FGF23: variants seen among roughly 807,000 people sequenced by gnomAD.
FGF23 encodes the protein fibroblast growth factor 23.
In FGF23, 8 loss-of-function variants were observed where a neutral mutation model predicts 9.0. That is an observed-to-expected ratio of 0.89 (90% CI 0.52 to 1.60). FGF23 has a LOEUF of 1.60. Among genes scored for constraint, FGF23 ranks in the 40% most tolerant of loss-of-function variants. The probability of loss-of-function intolerance (pLI) is 0.00; values close to 1 mark genes in which losing one functional copy is unlikely to be tolerated. For synonymous variants in FGF23, 118 were observed against 146.2 expected (o/e 0.81, Z 1.39); for missense variants, 311 against 344.3 (o/e 0.90, Z 0.77).
chr12:4,373,708 G>T (rs986684771), intron 1 of FGF23, among the ~76,000 whole-genome samples: 1 of 152,156 alleles, frequency 6.6e-6, no homozygotes, highest in Non-Finnish European at 1.5e-5. Flanking sequence ...ATCATATACT[G>T]GTGTAACATG....
chr12:4,374,815 AG>A (rs1865100847), intron 1 of FGF23, among the ~76,000 whole-genome samples: 1 of 152,140 alleles, frequency 6.6e-6, no homozygotes. Context: ...TATTATTATT[AG>A]TAGTAGTAGT....
At chr12:4,374,206 G>T (rs1260837864) in intron 1 of FGF23, among the ~76,000 whole-genome samples, 2 of 152,164 alleles carry the variant, frequency 1.3e-5, no homozygotes, top group East Asian at 3.8e-4. Context: ...TTTGGCTGAG[G>T]GGAACCTTGA....
rs1186216322 is a variant in FGF23 at position 4,370,908 on chromosome 12, C to A, written c.316-125G>T. The A allele has an allele frequency of 1.4e-5, 11 of 805,952 alleles. No individual in the cohort carries two copies. In the South Asian group the frequency reaches 1.5e-4, roughly 11 times the overall value. The allele number at this position is 805,952 out of a possible 1,614,324, so 49.9% of individuals were successfully genotyped here. A position where few individuals can be genotyped will look rare whatever the true frequency, so the allele number is the denominator to read the frequency against. ...GCTCTGCAGTTCTTAGGGCGTTGAG[C>A]CTTCACCCCTTTGTTCCCTGCTGGG... On this transcript the variant is annotated intron_variant, in intron 2 of 2. Transcript: ENST00000237837.
intron 1 of FGF23, among the ~76,000 whole-genome samples, chr12:4,376,495 C>T (rs1865117379): frequency 6.6e-6 from 1 of 152,062 alleles, no homozygotes; most frequent in Non-Finnish European, 1.5e-5. Flanking sequence ...TTCTTATCTA[C>T]ATGCATTAAT....
chr12:4,374,852 T>G (rs1865101144), intron 1 of FGF23, among the ~76,000 whole-genome samples: 1 of 152,174 alleles, frequency 6.6e-6, no homozygotes, highest in South Asian at 2.1e-4. Flanking sequence ...ATTTAAGTGA[T>G]AAGGAAACTA....
chr12:4,377,432 T>TTTC (rs1865129166), intron 1 of FGF23, among the ~76,000 whole-genome samples: 1 of 121,370 alleles, frequency 8.2e-6, no homozygotes, highest in Non-Finnish European at 1.8e-5. Context: ...CTTTTTTTTT[T>TTTC]TTTTTTTTTT....
chr12:4,368,484 A>G lies in FGF23; in HGVS notation c.*1859T>C, dbSNP rs1865028324. On this transcript the variant is annotated 3_prime_UTR_variant, in exon 3 of 3. Coordinates refer to ENST00000237837, the MANE Select transcript of FGF23 (RefSeq NM_020638.3). ...GATAAATTTTATTTTTATTTTAAAC[A>G]GAAGAAAGGAAAAAGGGGTTACATT... is the stretch of plus-strand genomic sequence containing the variant. The G allele has an allele frequency of 5.5e-6, 1 of 183,132 alleles. No individual in the cohort carries two copies. Among genetic ancestry groups the G allele is most frequent in the Non-Finnish European group, 1.2e-5 (1 of 86,208 alleles). 11.3% of individuals were successfully genotyped at this position (183,132 alleles called of 1,614,324 possible).
intron 1 of FGF23, among the ~76,000 whole-genome samples, chr12:4,374,608 C>T (rs1865097017): frequency 6.6e-6 from 1 of 151,388 alleles, no homozygotes. Context: ...CGAGATTGCA[C>T]CACTGCACTC....
At chr12:4,373,815 G>A (rs565962849) in intron 1 of FGF23, among the ~76,000 whole-genome samples, 9 of 152,166 alleles carry the variant, frequency 5.9e-5, no homozygotes, top group Non-Finnish European at 1.0e-4. Context: ...GCTACTTCCA[G>A]TTGCCTATCA....
At position 4,379,565 on chromosome 12, in the gene FGF23, G is replaced by A. The variant is rs1274061581; in HGVS notation, c.18C>T (p.Leu6=). The change falls in exon 1 of 3, where the codon CTC becomes CTT. Residue 6 remains leucine, a synonymous_variant. Transcript: ENST00000237837. MLGAR[L]RLWVCALCSV... ...TGCACAAGGCACAGACCCAGAGCCT[G>A]AGGCGGGCCCCCAACATCGTGCCCT... The A allele has an allele frequency of 1.2e-6, 2 of 1,606,518 alleles. No individual in the cohort carries two copies.
intron 1 of FGF23, among the ~76,000 whole-genome samples, chr12:4,376,662 C>T (rs925951652): frequency 2.6e-5 from 4 of 152,114 alleles, no homozygotes; most frequent in Non-Finnish European, 5.9e-5. Flanking sequence ...GCTGTGACTA[C>T]AGGCAGGCAC....
At chr12:4,374,758 A>G (rs879504064) in intron 1 of FGF23, among the ~76,000 whole-genome samples, 6 of 152,200 alleles carry the variant, frequency 3.9e-5, no homozygotes, top group Non-Finnish European at 7.3e-5. Flanking sequence ...AGCACTTTAC[A>G]TATTTTAAAT....
In FGF23 at chr12:4,370,367, G is replaced by T; in HGVS notation, c.732C>A (p.Cys244Ter). The T allele has an allele frequency of 6.2e-7, 1 of 1,613,432 alleles. No homozygotes were observed. The highest frequency in any genetic ancestry group is 8.5e-7 in the Non-Finnish European group (1 of 1,179,972). The change falls in exon 3 of 3, where the codon TGC becomes TGA. Residue 244 changes from cysteine (C) to a stop codon, truncating the protein, a stop_gained. Transcript: ENST00000237837. LOFTEE classifies it high-confidence loss of function. ...CCTAGATGAACTTGGCGAAGGGGCG[G>T]CAGCCTTCCGGGCCCGTTCCCCCAG... ...THAGGTGPEG[C>*]RPFAKFI
chr12:4,377,224 A>T (rs1865125994), intron 1 of FGF23, among the ~76,000 whole-genome samples: 1 of 151,880 alleles, frequency 6.6e-6, no homozygotes, highest in South Asian at 2.1e-4. Context: ...CTCACTCCCC[A>T]CCGTAGCCGG....
chr12:4,372,491 G>C lies in FGF23; in HGVS notation c.315+103C>G. ...AGTATCAGTGGAAACAGGTCACCAGGGTACACTGCAAATGGAATTGTTAAG... is the reference window on the plus strand; with the variant it reads ...AGTATCAGTGGAAACAGGTCACCAGCGTACACTGCAAATGGAATTGTTAAG... On this transcript the variant is annotated intron_variant, in intron 2 of 2. Transcript: ENST00000237837. The C allele has an allele frequency of 3.9e-6, 3 of 766,166 alleles. No individual in the cohort carries two copies. The Middle Eastern group carries it at 7.8e-4, about 198-fold the overall frequency. 47.5% of individuals were successfully genotyped at this position (766,166 alleles called of 1,614,324 possible). A position where few individuals can be genotyped will look rare whatever the true frequency, so the allele number is the denominator to read the frequency against.
chr12:4,375,386 C>T (rs1316807742), intron 1 of FGF23, among the ~76,000 whole-genome samples: 1 of 152,188 alleles, frequency 6.6e-6, no homozygotes, highest in Non-Finnish European at 1.5e-5. Flanking sequence ...CTGTGAGAAG[C>T]TGCTACGGAG....
At position 4,370,717 on chromosome 12, in the gene FGF23, G is replaced by A. The variant is rs777651180; in HGVS notation, c.382C>T (p.His128Tyr). Reference protein sequence around the residue: ...QTLENGYDVYHSPQYHFLVSL... With the variant: ...QTLENGYDVYYSPQYHFLVSL... Reference sequence around the variant, plus strand: ...ACCAGGAAGTGATACTGAGGAGAGTGGTAGACGTCGTACCCGTTTTCCAGC... The same window carrying A: ...ACCAGGAAGTGATACTGAGGAGAGTAGTAGACGTCGTACCCGTTTTCCAGC... The change falls in exon 3 of 3, where the codon CAC becomes TAC. Residue 128 changes from histidine to tyrosine, a missense_variant. This residue lies in a region of FGF23 where 206 missense variants were observed against 219.2 expected (regional missense o/e 0.94). Transcript: ENST00000237837. 2 of 1,614,140 alleles carry A rather than the reference G, an allele frequency of 1.2e-6. No homozygotes were observed. The highest frequency in any genetic ancestry group is 3.3e-5 in the Admixed American group (2 of 60,028).
At chr12:4,371,814 C>G (rs1321127337) in intron 2 of FGF23, among the ~76,000 whole-genome samples, 1 of 152,108 alleles carries the variant, frequency 6.6e-6, no homozygotes, top group Non-Finnish European at 1.5e-5. Flanking sequence ...CAAGAAGACA[C>G]CAATGGCTTT....
Position 4,370,161 on chromosome 12 carries a change from C to T in FGF23, c.*182G>A, listed in dbSNP as rs563817819. 47 of 620,014 alleles carry T rather than the reference C, an allele frequency of 7.6e-5. No individual in the cohort carries two copies. The East Asian group carries it at 1.3e-3, about 17-fold the overall frequency. The allele number at this position is 620,014 out of a possible 1,614,324, so 38.4% of individuals were successfully genotyped here. The stretch of plus-strand genomic sequence containing the variant: ...TGGAGTGAGGAAGGCGGTGAAACCC[C>T]ATGACTTGGGCCTCAAAGGTTGGTT... On this transcript the variant is annotated 3_prime_UTR_variant, in exon 3 of 3. Coordinates refer to ENST00000237837, the MANE Select transcript of FGF23 (RefSeq NM_020638.3).
Sources: gnomAD v4.1 joint callset for allele counts (sites outside exome capture counted in the v4.1 genomes callset) on GRCh38, gnomAD v4.1.1 for gene constraint, gnomAD v4.1.1 regional missense constraint, MANE v1.5 for transcripts, NCBI Gene and HGNC (gene_info 2026-07-23, HGNC 2026-07-21) for gene names.